PPARGC1A: variants seen among roughly 807,000 people sequenced by gnomAD.
PPARGC1A encodes the protein peroxisome proliferator-activated receptor gamma coactivator 1-alpha.
A neutral mutation model predicts 88.7 loss-of-function variants in PPARGC1A; 25 were observed. The observed-to-expected ratio is 0.28, with a 90% CI of 0.21 to 0.39. The LOEUF (loss-of-function observed/expected upper bound fraction) is 0.39, where lower values mean the gene tolerates loss of function less well. PPARGC1A is among the 10% of genes least tolerant of loss of function. The pLI is 1.00. For missense variants in PPARGC1A, 880 were observed against 968.7 expected (o/e 0.91, Z 1.22); for synonymous variants, 363 against 355.6 (o/e 1.02, Z -0.24).
chr4:24,128,590 C>CTG, the PPARGC1A span, among the ~76,000 whole-genome samples: 37 of 141,264 alleles, frequency 2.6e-4, no homozygotes, highest in Non-Finnish European at 4.8e-4. Context: ...GCACGCGCAT[C>CTG]TGTGTACAAT....
the PPARGC1A span, among the ~76,000 whole-genome samples, chr4:23,977,204 C>T: frequency 5.9e-5 from 9 of 152,278 alleles, no homozygotes; most frequent in Admixed American, 2.0e-4. Context: ...TCCCATGACC[C>T]TCCAGTGAGG....
At chr4:24,026,338 C>A in the PPARGC1A span, among the ~76,000 whole-genome samples, 1 of 152,056 alleles carries the variant, frequency 6.6e-6, no homozygotes, top group Admixed American at 6.6e-5. Context: ...TGTTTGCATA[C>A]ACAAAATTCA....
intron 2 of PPARGC1A, among the ~76,000 whole-genome samples, chr4:23,876,836 A>G (rs938063016): frequency 3.9e-5 from 6 of 152,134 alleles, no homozygotes; most frequent in Non-Finnish European, 7.3e-5. Flanking sequence ...GAAAAAAAAA[A>G]GTAGTTGTTT....
the PPARGC1A span, among the ~76,000 whole-genome samples, chr4:24,358,819 T>C: frequency 2.2e-4 from 34 of 152,340 alleles, no homozygotes; most frequent in African/African-American, 7.2e-4. Context: ...ATGCAGGACT[T>C]TGGCCAGTGA....
At chr4:24,324,098 G>C in the PPARGC1A span, among the ~76,000 whole-genome samples, 1 of 152,314 alleles carries the variant, frequency 6.6e-6, no homozygotes, top group African/African-American at 2.4e-5. Flanking sequence ...AGACGCCTCT[G>C]TGATTATACA....
chr4:24,146,246 G>C, the PPARGC1A span, among the ~76,000 whole-genome samples: 5 of 152,200 alleles, frequency 3.3e-5, no homozygotes, highest in African/African-American at 1.2e-4. Flanking sequence ...TTGAATTGGA[G>C]AGCTGTAGAA....
At chr4:24,053,160 T>C in the PPARGC1A span, among the ~76,000 whole-genome samples, 1 of 151,870 alleles carries the variant, frequency 6.6e-6, no homozygotes, top group Non-Finnish European at 1.5e-5. Context: ...CGTGAGCCAC[T>C]GCGCCTGGCC....
chr4:23,813,025 G>A lies in PPARGC1A; in HGVS notation c.1894C>T (p.Pro632Ser), dbSNP rs1721225405. 1 of 1,614,012 alleles carries A rather than the reference G, an allele frequency of 6.2e-7. No homozygotes were observed. Among genetic ancestry groups the A allele is most frequent in the Non-Finnish European group, 8.5e-7 (1 of 1,179,930 alleles). The change falls in exon 9 of 13, where the codon CCC becomes TCC. Residue 632 changes from proline to serine, a missense_variant. Transcript: ENST00000264867. ...SRSRSPYSRR[P>S]RYDSYEEYQH... is the part of the protein sequence containing the mutation. ...GAAAATGACATGCCTCATTACCTGG[G>A]CCGACGGCTGTAGGGCGATCTTGAA... is the stretch of plus-strand genomic sequence containing the variant.
intron 2 of PPARGC1A, among the ~76,000 whole-genome samples, chr4:23,832,218 T>G (rs1180931762): frequency 6.6e-6 from 1 of 152,154 alleles, no homozygotes; most frequent in Non-Finnish European, 1.5e-5. Flanking sequence ...CACCAGAAAG[T>G]GGAACTATAC....
the PPARGC1A span, among the ~76,000 whole-genome samples, chr4:24,292,290 A>T: frequency 6.6e-6 from 1 of 152,082 alleles, no homozygotes; most frequent in Non-Finnish European, 1.5e-5. Context: ...GATTATGTGG[A>T]TCCTGGTCAC....
chr4:24,043,637 G>T, the PPARGC1A span, among the ~76,000 whole-genome samples: 1 of 152,042 alleles, frequency 6.6e-6, no homozygotes, highest in South Asian at 2.1e-4. Context: ...CTGCTCTCCA[G>T]TCCAACCCCA....
the PPARGC1A span, among the ~76,000 whole-genome samples, chr4:24,370,936 C>T: frequency 6.6e-6 from 1 of 151,852 alleles, no homozygotes; most frequent in African/African-American, 2.4e-5. Flanking sequence ...CCCCTTGCCC[C>T]TCACTCCCGA....
chr4:23,902,285 T>C (rs1484669994), upstream of PPARGC1A, among the ~76,000 whole-genome samples: 1 of 152,184 alleles, frequency 6.6e-6, no homozygotes, highest in Non-Finnish European at 1.5e-5. Context: ...AAGTAACCTA[T>C]ATCATAGATG....
chr4:24,356,191 C>A, the PPARGC1A span, among the ~76,000 whole-genome samples: 4 of 147,784 alleles, frequency 2.7e-5, no homozygotes, highest in Non-Finnish European at 4.5e-5. Context: ...AGCAAGACTC[C>A]GTCTCAAACA....
the PPARGC1A span, among the ~76,000 whole-genome samples, chr4:24,265,659 T>A: frequency 1.3e-5 from 2 of 152,138 alleles, no homozygotes; most frequent in Non-Finnish European, 2.9e-5. Flanking sequence ...TGCTTACTTG[T>A]ACATGAAGAT....
the PPARGC1A span, among the ~76,000 whole-genome samples, chr4:23,978,428 T>C: frequency 2.0e-5 from 3 of 152,156 alleles, no homozygotes; most frequent in Non-Finnish European, 4.4e-5. Flanking sequence ...TTTATACACT[T>C]TAGGTGGTTT....
chr4:23,963,899 C>T, the PPARGC1A span, among the ~76,000 whole-genome samples: 1 of 152,218 alleles, frequency 6.6e-6, no homozygotes, highest in South Asian at 2.1e-4. Context: ...TGGTAATCTT[C>T]AAATGAGTCT....
the PPARGC1A span, among the ~76,000 whole-genome samples, chr4:24,077,900 G>T: frequency 6.6e-6 from 1 of 151,552 alleles, no homozygotes; most frequent in Non-Finnish European, 1.5e-5. Context: ...TTCTCAGAGA[G>T]TTTTTTTCTC....
chr4:23,970,346 G>A, the PPARGC1A span, among the ~76,000 whole-genome samples: 2 of 152,188 alleles, frequency 1.3e-5, no homozygotes, highest in Non-Finnish European at 2.9e-5. Flanking sequence ...TAGAGCTGAG[G>A]CTGAATGAGT....
Sources: allele counts gnomAD v4.1 joint callset (sites outside exome capture counted in the v4.1 genomes callset), GRCh38; gene constraint gnomAD v4.1.1; transcripts MANE v1.5; gene names NCBI Gene and HGNC (gene_info 2026-07-23, HGNC 2026-07-21).